The following PJVK variants were observed in gnomAD, a reference collection of about 807,000 sequenced individuals.
PJVK encodes pejvakin.
PJVK carries 33 observed loss-of-function variants against 37.6 expected under a neutral mutation model. That is an observed-to-expected ratio of 0.88 (90% CI 0.67 to 1.17). The LOEUF (loss-of-function observed/expected upper bound fraction) is 1.17. Ranked by LOEUF, PJVK falls within the 50% of genes most tolerant of loss-of-function variation. PJVK has a pLI of 0.00. For synonymous variants in PJVK, 141 were observed against 143.5 expected, an observed-to-expected ratio of 0.98 and a Z score of 0.13; for missense variants, 410 against 413.8, an observed-to-expected ratio of 0.99 and a Z score of 0.08.
intron 2 of PJVK, 159 bp from the exon 3 acceptor site, chr2:178,454,173 G>T: frequency 1.7e-6 from 1 of 589,110 alleles, no homozygotes. Context: ...TCTTTTTGTT[G>T]TAAGATTAAT....
intron 1 of PJVK, chr2:178,452,345 C>A (rs1697735099): frequency 1.0e-6 from 1 of 983,914 alleles, no homozygotes; most frequent in Admixed American, 6.2e-5. Context: ...CATGTAAGCC[C>A]TGGATGCTTG....
chr2:178,461,414 C>G lies in PJVK; in HGVS notation c.*140C>G, dbSNP rs539719529. On this transcript the variant is annotated 3_prime_UTR_variant, in exon 7 of 7. Coordinates refer to ENST00000644580, the MANE Select transcript of PJVK (RefSeq NM_001042702.5). ...AATTAACCTGTCTGGGTATCATATT[C>G]CCTATCTATAAAGTAGCAATTATAA... is the stretch of plus-strand genomic sequence containing the variant. The G allele has an allele frequency of 1.5e-3, 1,295 of 876,156 alleles. 38 individuals carry two copies. The South Asian group carries it at 0.018, about 12-fold the overall frequency. 54.3% of individuals were successfully genotyped at this position (876,156 alleles called of 1,614,324 possible).
At chr2:178,455,157 CTG>C (rs757285115) in intron 3 of PJVK, 173 of 1,600,708 alleles carry the variant, frequency 1.1e-4, no homozygotes, top group East Asian at 9.6e-4. Flanking sequence ...AAGGTGGTGA[CTG>C]TGCATCTGGA....
At position 178,453,457 on chromosome 2, in the gene PJVK, AG is replaced by A; in HGVS notation, c.51del (p.Arg18AspfsTer2). ...GCTTTGTCAAGCAAGTTGGAGATGG[AG>A]GGAGATTAGTTCCTGTTCCAAGCCT... ...KSFVKQVGDG[G>X]RLVPVPSLSE... On this transcript the variant is annotated frameshift_variant, in exon 2 of 7. Coordinates refer to ENST00000644580, the MANE Select transcript of PJVK (RefSeq NM_001042702.5). LOFTEE classifies it high-confidence loss of function. The A allele has an allele frequency of 6.2e-7, 1 of 1,614,168 alleles. No individual in the cohort carries two copies. The highest frequency in any genetic ancestry group is 8.5e-7 in the Non-Finnish European group (1 of 1,180,008).
chr2:178,452,608 G>A (rs1032982535), intron 1 of PJVK: 2 of 985,176 alleles, frequency 2.0e-6, no homozygotes, highest in Non-Finnish European at 2.4e-6. Context: ...CTTAAAAACA[G>A]GCCAGAACTT....
rs1697850161 is a variant in PJVK, at chr2:178,453,590, AT to A, written c.183del (p.Leu62SerfsTer2). 6.2e-7 allele frequency: 1 copy of A among 1,613,622 alleles called. No individual in the cohort carries two copies. Among genetic ancestry groups the A allele is most frequent in the African/African-American group, 1.3e-5 (1 of 74,938 alleles). On this transcript the variant is annotated frameshift_variant, in exon 2 of 7. Transcript: ENST00000644580. LOFTEE classifies it high-confidence loss of function. ...FTSTPFTLKD[I>X]LLGDREISAG... Reference sequence around the variant, plus strand: ...TTCAACACCTTTTACACTGAAAGATATTCTCCTAGGAGACAGAGAAATTTCA... The same window carrying A: ...TTCAACACCTTTTACACTGAAAGATATCTCCTAGGAGACAGAGAAATTTCA...
At chr2:178,452,236 T>G (rs1459626715) in intron 1 of PJVK, 1 of 917,674 alleles carries the variant, frequency 1.1e-6, no homozygotes, top group Non-Finnish European at 1.3e-6. Context: ...AATGTTGCAG[T>G]GAGCCGAGAT....
At chr2:178,453,132 T>C (rs1409723745) in intron 1 of PJVK, 1 of 399,216 alleles carries the variant, frequency 2.5e-6, no homozygotes, top group African/African-American at 2.0e-5. Flanking sequence ...TTTTACGTTA[T>C]TAGTTTTCTG....
intron 1 of PJVK, chr2:178,453,097 T>A: frequency 2.8e-6 from 1 of 353,946 alleles, no homozygotes; most frequent in South Asian, 2.3e-5. Flanking sequence ...TCTACTGTGA[T>A]CCTTATCATA....
intron 5 of PJVK, 123 bp from the exon 6 acceptor site, chr2:178,460,225 G>A: frequency 1.2e-6 from 1 of 830,126 alleles, no homozygotes; most frequent in Non-Finnish European, 1.9e-6. Context: ...TTTTCCAAAA[G>A]TATGTAAAAG....
rs150431936 is a variant in PJVK, at chr2:178,457,804, G to A, written c.550-706G>A. On this transcript the variant is annotated intron_variant, in intron 4 of 6. Transcript: ENST00000644580. Reference sequence around the variant, plus strand: ...TGGCCAGGAGTTCAAGGTTACAGTAGGCTATGATTGTGCCACTGCTCTCCA... The same window carrying A: ...TGGCCAGGAGTTCAAGGTTACAGTAAGCTATGATTGTGCCACTGCTCTCCA... Among the ~76,000 whole-genome samples, 885 of 152,212 alleles carry A rather than the reference G, an allele frequency of 5.8e-3. 5 individuals carry two copies. The highest frequency in any genetic ancestry group is 0.02 in the African/African-American group (841 of 41,516).
At chr2:178,451,958 G>A in intron 1 of PJVK, 189 bp downstream of exon 1, 1 of 607,908 alleles carries the variant, frequency 1.6e-6, no homozygotes, top group Non-Finnish European at 2.1e-6. Flanking sequence ...TGTTATGGAA[G>A]ATTGCTTGCA....
Position 178,454,325 on chromosome 2 carries a change from T to C in PJVK, c.212-7T>C. 1 of 1,607,754 alleles carries C rather than the reference T, an allele frequency of 6.2e-7. No homozygotes were observed. Among genetic ancestry groups the C allele is most frequent in the Non-Finnish European group, 8.5e-7 (1 of 1,175,430 alleles). On this transcript the variant is annotated splice_region_variant and splice_polypyrimidine_tract_variant and intron_variant, in intron 2 of 6. Coordinates refer to ENST00000644580, the MANE Select transcript of PJVK (RefSeq NM_001042702.5). ...GTTTAAAAAATACTGAGTTTCTTCTTATAAAGGTATTTCATCTTATCAATT... is the reference window on the plus strand; with the variant it reads ...GTTTAAAAAATACTGAGTTTCTTCTCATAAAGGTATTTCATCTTATCAATT...
chr2:178,461,388 A>C lies in PJVK; in HGVS notation c.*114A>C. On this transcript the variant is annotated 3_prime_UTR_variant, in exon 7 of 7. Coordinates refer to ENST00000644580, the MANE Select transcript of PJVK (RefSeq NM_001042702.5). Reference sequence around the variant, plus strand: ...AAATTAAAATGAGAAAAGCAAAAAGAAATTAACCTGTCTGGGTATCATATT... The same window carrying C: ...AAATTAAAATGAGAAAAGCAAAAAGCAATTAACCTGTCTGGGTATCATATT... The C allele has an allele frequency of 8.2e-7, 1 of 1,219,926 alleles. No individual in the cohort carries two copies. Among genetic ancestry groups the C allele is most frequent in the Non-Finnish European group, 1.2e-6 (1 of 850,068 alleles). The allele number at this position is 1,219,926 out of a possible 1,614,324, so 75.6% of individuals were successfully genotyped here.
rs1575111432 is a variant in PJVK, at chr2:178,453,169, A to G, written c.-22-219A>G. 1.4e-5 allele frequency: 7 copies of G among 484,940 alleles called. No individual in the cohort carries two copies. The East Asian group carries it at 2.7e-4, about 19-fold the overall frequency. 30.0% of individuals were successfully genotyped at this position (484,940 alleles called of 1,614,324 possible). A position where few individuals can be genotyped will look rare whatever the true frequency, so the allele number is the denominator to read the frequency against. On this transcript the variant is annotated intron_variant, in intron 1 of 6. Coordinates refer to ENST00000644580, the MANE Select transcript of PJVK (RefSeq NM_001042702.5). ...GTATATTTTAGTGCTATAGCCTGCC[A>G]TTCCAAGTTAAACATGCTCTTAGCA...
At chr2:178,456,820 T>G (rs1267223804) in intron 4 of PJVK, among the ~76,000 whole-genome samples, 1 of 151,966 alleles carries the variant, frequency 6.6e-6, no homozygotes, top group Non-Finnish European at 1.5e-5. Flanking sequence ...TGTAACATAA[T>G]GCAAAAACAG....
In PJVK at chr2:178,461,030, A is replaced by T. The variant is rs1458618844; in HGVS notation, c.815A>T (p.Asp272Val). The T allele has an allele frequency of 1.9e-6, 3 of 1,613,956 alleles. No individual in the cohort carries two copies. In the African/African-American group the frequency reaches 4.0e-5, roughly 22 times the overall value. Residue 272 changes from aspartate to valine, a missense_variant, in exon 7 of 7, where the codon GAT becomes GTT. Coordinates refer to ENST00000644580, the MANE Select transcript of PJVK (RefSeq NM_001042702.5). ...TCTCGTTCACAGCTTTACTTGGATG[A>T]TCTTTTTTCTGACTACTATGACAAA... Reference protein sequence around the residue: ...VISRSQLYLDDLFSDYYDKPL... With the variant: ...VISRSQLYLDVLFSDYYDKPL...
chr2:178,455,087 G>A (rs745710421), intron 3 of PJVK: 7 of 1,563,970 alleles, frequency 4.5e-6, no homozygotes, highest in South Asian at 2.2e-5. Context: ...AGCGATCATC[G>A]ATGGGGAGCT....
chr2:178,453,657 C>T (rs761103049), intron 2 of PJVK, 37 bp downstream of exon 2: 5 of 1,552,106 alleles, frequency 3.2e-6, no homozygotes, highest in Non-Finnish European at 4.4e-6. Context: ...ACTCATTCAT[C>T]TGTATTATTG....
Sources: allele counts gnomAD v4.1 joint callset (sites outside exome capture counted in the v4.1 genomes callset), GRCh38; gene constraint gnomAD v4.1.1; transcripts MANE v1.5; gene names NCBI Gene and HGNC (gene_info 2026-07-23, HGNC 2026-07-21).